MET: variants seen among roughly 807,000 people sequenced by gnomAD.
The protein encoded by MET is hepatocyte growth factor receptor.
Under a neutral mutation model 133.1 loss-of-function variants are expected in MET, and 48 were observed. The ratio of observed to expected loss-of-function variants is 0.36; its 90% CI spans 0.29 to 0.46. The LOEUF (loss-of-function observed/expected upper bound fraction) is 0.46. Ranked by LOEUF, MET falls within the 20% of genes least tolerant of loss-of-function variation. MET has a pLI of 1.00. For missense variants in MET, 1,442 were observed against 1,695.9 expected (o/e 0.85, Z 2.63); for synonymous variants, 628 against 616.5 (o/e 1.02, Z -0.28).
At chr7:116,704,744 G>A (rs1454764056) in intron 2 of MET, among the ~76,000 whole-genome samples, 1 of 152,090 alleles carries the variant, frequency 6.6e-6, no homozygotes, top group African/African-American at 2.4e-5. Flanking sequence ...AGTCAAGTTA[G>A]AAGGTATAAA....
chr7:116,709,522 A>G (rs1791918152), intron 2 of MET, among the ~76,000 whole-genome samples: 1 of 152,202 alleles, frequency 6.6e-6, no homozygotes, highest in Admixed American at 6.5e-5. Context: ...TGAGGCATCA[A>G]AAGAAATATT....
At chr7:116,682,734 C>G (rs762991378) in intron 1 of MET, among the ~76,000 whole-genome samples, 1 of 152,142 alleles carries the variant, frequency 6.6e-6, no homozygotes, top group Non-Finnish European at 1.5e-5. Context: ...TTCATAGCAC[C>G]TGATTCTCTT....
At chr7:116,677,910 A>C (rs1156472670) in intron 1 of MET, among the ~76,000 whole-genome samples, 1 of 152,168 alleles carries the variant, frequency 6.6e-6, no homozygotes, top group Non-Finnish European at 1.5e-5. Context: ...GGCTTTATGC[A>C]TCAATTTCAT....
chr7:116,794,784 A>G (rs1023514985), intron 19 of MET, among the ~76,000 whole-genome samples: 3 of 152,234 alleles, frequency 2.0e-5, no homozygotes, highest in Admixed American at 1.3e-4. Flanking sequence ...GCCTCTGCCC[A>G]TGCTGACTCT....
chr7:116,741,639 C>T (rs1252603861), intron 5 of MET, among the ~76,000 whole-genome samples: 1 of 152,126 alleles, frequency 6.6e-6, no homozygotes, highest in Non-Finnish European at 1.5e-5. Flanking sequence ...GTGGGCAAGG[C>T]AAGTGGAGGG....
At chr7:116,750,119 G>A (rs1319968419) in intron 5 of MET, among the ~76,000 whole-genome samples, 3 of 152,182 alleles carry the variant, frequency 2.0e-5, no homozygotes, top group Non-Finnish European at 4.4e-5. Context: ...AGCCCGCATA[G>A]CCAAGACAAT....
At chr7:116,675,099 C>A (rs1300129575) in intron 1 of MET, among the ~76,000 whole-genome samples, 1 of 152,204 alleles carries the variant, frequency 6.6e-6, no homozygotes, top group Admixed American at 6.5e-5. Context: ...TAAATAGTCA[C>A]TTCTCAGTAA....
intron 2 of MET, among the ~76,000 whole-genome samples, chr7:116,728,611 C>T (rs1170163526): frequency 6.6e-6 from 1 of 152,106 alleles, no homozygotes; most frequent in Non-Finnish European, 1.5e-5. Flanking sequence ...TCAGCAAGAC[C>T]AACCACAAAG....
intron 11 of MET, 64 bp downstream of exon 11, chr7:116,763,332 G>A: frequency 7.1e-7 from 1 of 1,405,628 alleles, no homozygotes; most frequent in Non-Finnish European, 1.0e-6. Flanking sequence ...TCATAGCTAT[G>A]TGAATACAAT....
chr7:116,719,839 A>G (rs1792406327), intron 2 of MET, among the ~76,000 whole-genome samples: 1 of 151,932 alleles, frequency 6.6e-6, no homozygotes, highest in Admixed American at 6.6e-5. Flanking sequence ...GTTCTGTTCC[A>G]TTGATCTATA....
At chr7:116,785,741 G>C (rs1795292133) in intron 19 of MET, among the ~76,000 whole-genome samples, 1 of 152,222 alleles carries the variant, frequency 6.6e-6, no homozygotes, top group Non-Finnish European at 1.5e-5. Flanking sequence ...GAATGGAAAG[G>C]AAGAGATGAA....
At chr7:116,729,042 T>C (rs1331610298) in intron 2 of MET, among the ~76,000 whole-genome samples, 1 of 152,226 alleles carries the variant, frequency 6.6e-6, no homozygotes, top group African/African-American at 2.4e-5. Flanking sequence ...TCTTTGCTCC[T>C]TTAAGCAGAT....
chr7:116,777,424 G>A lies in MET; in HGVS notation c.3295G>A (p.Asp1099Asn), dbSNP rs1196168142. 6.2e-7 allele frequency: 1 copy of A among 1,613,726 alleles called. No individual in the cohort carries two copies. Among genetic ancestry groups the A allele is most frequent in the African/African-American group, 1.3e-5 (1 of 74,896 alleles). ...TTGTGTATATCATGGGACTTTGTTGGACAATGATGGCAAGAAAATTCACTG... is the reference window on the plus strand; with the variant it reads ...TTGTGTATATCATGGGACTTTGTTGAACAATGATGGCAAGAAAATTCACTG... Reference protein sequence around the residue: ...FGCVYHGTLLDNDGKKIHCAV... With the variant: ...FGCVYHGTLLNNDGKKIHCAV... Residue 1099 changes from aspartate (D) to asparagine (N), a missense_variant, in exon 16 of 21, where the codon GAC becomes AAC. Physicochemically the swap from Asp to Asn is conservative, Grantham distance 23. Transcript: ENST00000397752.
intron 5 of MET, among the ~76,000 whole-genome samples, chr7:116,752,769 A>G (rs1455342795): frequency 6.6e-6 from 1 of 152,184 alleles, no homozygotes; most frequent in African/African-American, 2.4e-5. Context: ...AAGTGATGGT[A>G]ATGATGTGTG....
intron 11 of MET, among the ~76,000 whole-genome samples, chr7:116,764,302 A>G (rs1033529036): frequency 3.9e-5 from 6 of 152,216 alleles, no homozygotes; most frequent in South Asian, 2.1e-4. Flanking sequence ...AGCCCGCTTC[A>G]ATGAACAGTG....
chr7:116,741,795 C>A (rs1298095012), intron 5 of MET, among the ~76,000 whole-genome samples: 2 of 152,150 alleles, frequency 1.3e-5, no homozygotes, highest in East Asian at 1.9e-4. Context: ...GAGTGCATAC[C>A]ATTTAGCAGG....
rs2116992800 is a variant in MET at position 116,771,612 on chromosome 7, C to T, written c.2845C>T (p.Leu949Phe). Residue 949 changes from leucine (L) to phenylalanine (F), a missense_variant, in exon 13 of 21, where the codon CTT (leucine) becomes TTT (phenylalanine). Leu to Phe is a conservative substitution (Grantham distance 22). Coordinates refer to ENST00000397752, the MANE Select transcript of MET (RefSeq NM_000245.4). ...VSISTALLLL[L>F]GFFLWLKKRK... ...AATATCAACAGCACTGTTATTACTA[C>T]TTGGGTTTTTCCTGTGGCTGAAAAA... 6.2e-7 allele frequency: 1 copy of T among 1,613,916 alleles called. No homozygotes were observed. The highest frequency in any genetic ancestry group is 8.5e-7 in the Non-Finnish European group (1 of 1,179,836).
intron 2 of MET, among the ~76,000 whole-genome samples, chr7:116,718,325 T>G (rs1792326039): frequency 6.6e-6 from 1 of 151,768 alleles, no homozygotes; most frequent in African/African-American, 2.4e-5. Flanking sequence ...GAGGCGGAGG[T>G]TGTAGTGAGC....
intron 18 of MET, 108 bp downstream of exon 18, chr7:116,782,205 CT>C: frequency 7.5e-6 from 6 of 801,124 alleles, no homozygotes; most frequent in Non-Finnish European, 1.1e-5. Flanking sequence ...TGCAAAAGTC[CT>C]TTATTTCTGT....
Sources: gnomAD v4.1 joint callset for allele counts (sites outside exome capture counted in the v4.1 genomes callset) on GRCh38, gnomAD v4.1.1 for gene constraint, MANE v1.5 for transcripts, NCBI Gene and HGNC (gene_info 2026-07-23, HGNC 2026-07-21) for gene names.